MLLT3: variants seen among roughly 807,000 people sequenced by gnomAD.
The protein encoded by MLLT3 is MLLT3 super elongation complex subunit.
MLLT3 carries 4 observed loss-of-function variants against 53.2 expected under a neutral mutation model. The ratio of observed to expected loss-of-function variants is 0.08; its 90% CI spans 0.04 to 0.17. The LOEUF (loss-of-function observed/expected upper bound fraction) is 0.17, where lower values mean the gene tolerates loss of function less well. MLLT3 is among the 10% of genes least tolerant of loss of function. The pLI, the probability that MLLT3 is intolerant of heterozygous loss-of-function variation, is 1.00. For synonymous variants in MLLT3, 283 were observed against 230.6 expected, an observed-to-expected ratio of 1.23 and a Z score of -2.06; for missense variants, 569 against 684.0, an observed-to-expected ratio of 0.83 and a Z score of 1.87.
intron 4 of MLLT3, among the ~76,000 whole-genome samples, chr9:20,438,986 T>C (rs1161996828): frequency 2.0e-5 from 3 of 152,086 alleles, no homozygotes; most frequent in Non-Finnish European, 4.4e-5. Context: ...ATGTACCCTA[T>C]AGTGAAAGGG....
chr9:20,423,244 G>T (rs1209518822), intron 4 of MLLT3, among the ~76,000 whole-genome samples: 1 of 152,100 alleles, frequency 6.6e-6, no homozygotes, highest in Non-Finnish European at 1.5e-5. Flanking sequence ...TAAAGTCAGT[G>T]GGTTTCAAAA....
chr9:20,414,816 T>C (rs1194633593), intron 4 of MLLT3, among the ~76,000 whole-genome samples: 2 of 152,194 alleles, frequency 1.3e-5, no homozygotes, highest in African/African-American at 4.8e-5. Flanking sequence ...ACGGGAACTA[T>C]TAATTCTGTT....
At chr9:20,574,821 G>A (rs1293989655) in intron 2 of MLLT3, among the ~76,000 whole-genome samples, 3 of 152,174 alleles carry the variant, frequency 2.0e-5, no homozygotes, top group Non-Finnish European at 2.9e-5. Flanking sequence ...TGTAGCATGT[G>A]ATGCCGTTTG....
At chr9:20,427,813 GT>G (rs1823174234) in intron 4 of MLLT3, among the ~76,000 whole-genome samples, 1 of 151,898 alleles carries the variant, frequency 6.6e-6, no homozygotes, top group African/African-American at 2.4e-5. Context: ...TTTTTAAACA[GT>G]AAATGCACTG....
chr9:20,557,469 C>G (rs978009100), intron 2 of MLLT3, among the ~76,000 whole-genome samples: 1 of 152,158 alleles, frequency 6.6e-6, no homozygotes, highest in Admixed American at 6.5e-5. Flanking sequence ...CCCTGCTTGA[C>G]AGTTTTTGCC....
intron 5 of MLLT3, among the ~76,000 whole-genome samples, chr9:20,372,006 G>A (rs1048753525): frequency 5.9e-5 from 9 of 152,182 alleles, no homozygotes; most frequent in South Asian, 2.1e-4. Flanking sequence ...GGATGACTTC[G>A]AGGGGTTCAA....
rs1199175393 is a variant in MLLT3, at chr9:20,620,044, CA to C, written c.193+609del. On this transcript the variant is annotated intron_variant, in intron 2 of 10. Transcript: ENST00000380338. The surrounding 1 kb of genome is among the most constrained non-coding windows in gnomAD (Gnocchi z 6.1). ...GGGAGGGAGGAACGAGTAAGCCCCC[CA>C]AGTAAACATAAAATCCAGACTGGAG... Among the ~76,000 whole-genome samples the C allele has an allele frequency of 2.6e-4, 40 of 151,984 alleles. No individual in the cohort carries two copies. Among genetic ancestry groups the C allele is most frequent in the Admixed American group, 2.4e-3 (37 of 15,262 alleles).
rs1554645706 is a variant in MLLT3, at chr9:20,621,902, C to CATGT, written c.12+342_12+343insACAT. 4,428 of 1,233,410 alleles carry CATGT rather than the reference C, an allele frequency of 3.6e-3. 3 individuals carry two copies. The highest frequency in any genetic ancestry group is 4.1e-3 in the Non-Finnish European group (3,977 of 958,560). 76.4% of individuals were successfully genotyped at this position (1,233,410 alleles called of 1,614,324 possible). On this transcript the variant is annotated intron_variant, in intron 1 of 10. Transcript: ENST00000380338. The surrounding 1 kb of genome is among the most constrained non-coding windows in gnomAD (Gnocchi z 7.0). ...TGAGTTATTATTCGCCTCCTTCCAC[C>CATGT]GTGTGTGTGTGTGTGTGTGAGTGCG...
intron 5 of MLLT3, among the ~76,000 whole-genome samples, chr9:20,397,614 T>A (rs1224611089): frequency 6.6e-6 from 1 of 152,152 alleles, no homozygotes; most frequent in Non-Finnish European, 1.5e-5. Context: ...AGGCAACCCA[T>A]CAATCTATAT....
intron 2 of MLLT3, among the ~76,000 whole-genome samples, chr9:20,591,548 C>T (rs1820129871): frequency 6.6e-6 from 1 of 152,138 alleles, no homozygotes; most frequent in Admixed American, 6.5e-5. Flanking sequence ...GAGTAGTGAA[C>T]ACCAAAGGAA....
intron 6 of MLLT3, 77 bp downstream of exon 6, chr9:20,365,582 TCTTGATCCAC>T: frequency 5.5e-6 from 8 of 1,451,326 alleles, no homozygotes; most frequent in Non-Finnish European, 7.7e-6. Context: ...TCTCCTGACC[TCTTGATCCAC>T]CCGTGTCAGC....
intron 4 of MLLT3, among the ~76,000 whole-genome samples, chr9:20,435,664 G>A (rs532205816): frequency 7.9e-5 from 12 of 152,232 alleles, no homozygotes; most frequent in Admixed American, 6.5e-5. Flanking sequence ...TGTAAGGATG[G>A]TATCTGAAGG....
At chr9:20,510,012 T>A (rs1189995057) in intron 2 of MLLT3, among the ~76,000 whole-genome samples, 1 of 152,150 alleles carries the variant, frequency 6.6e-6, no homozygotes, top group Non-Finnish European at 1.5e-5. Context: ...GTGAAAATGT[T>A]TTATAAACCC....
chr9:20,540,357 T>C (rs909417904), intron 2 of MLLT3, among the ~76,000 whole-genome samples: 6 of 152,256 alleles, frequency 3.9e-5, no homozygotes, highest in African/African-American at 1.4e-4. Flanking sequence ...GTTCTCCATG[T>C]GGCCTCCACC....
chr9:20,414,303 GCTGCTGCTA>G lies in MLLT3; in HGVS notation c.534_542del (p.Ser188_Ser190del), dbSNP rs780013387. The G allele has an allele frequency of 4.3e-6, 7 of 1,610,478 alleles. No homozygotes were observed. The highest frequency in any genetic ancestry group is 4.0e-5 in the African/African-American group (3 of 74,718). On this transcript the variant is annotated inframe_deletion, in exon 5 of 11. Transcript: ENST00000380338. ...TACTGCTGCTGCTGCTGCTGCTACT[GCTGCTGCTA>G]CTGCTGCTGCTGCTGCTGCTGCTGC...
chr9:20,529,033 G>A (rs961169174), intron 2 of MLLT3, among the ~76,000 whole-genome samples: 6 of 152,208 alleles, frequency 3.9e-5, no homozygotes, highest in Non-Finnish European at 7.3e-5. Context: ...TGCTACAGAT[G>A]TCTATTAGTA....
chr9:20,597,686 G>C (rs1820311826), intron 2 of MLLT3, among the ~76,000 whole-genome samples: 1 of 152,106 alleles, frequency 6.6e-6, no homozygotes, highest in African/African-American at 2.4e-5. Flanking sequence ...TTAGCGTCTT[G>C]TAATTACTAG....
chr9:20,582,350 G>T (rs1484985969), intron 2 of MLLT3, among the ~76,000 whole-genome samples: 1 of 152,076 alleles, frequency 6.6e-6, no homozygotes, highest in Non-Finnish European at 1.5e-5. Context: ...AAAAAAAGTA[G>T]TTTCACTGCC....
chr9:20,513,454 A>G (rs1305279262), intron 2 of MLLT3, among the ~76,000 whole-genome samples: 1 of 152,204 alleles, frequency 6.6e-6, no homozygotes, highest in Non-Finnish European at 1.5e-5. Context: ...ATGGCAGGGA[A>G]ATGCACTCAA....
Sources: gnomAD v4.1 joint callset for allele counts (sites outside exome capture counted in the v4.1 genomes callset) on GRCh38, gnomAD v4.1.1 for gene constraint, Gnocchi (gnomAD v3.1) non-coding constraint, MANE v1.5 for transcripts, NCBI Gene and HGNC (gene_info 2026-07-23, HGNC 2026-07-21) for gene names.